Variants in ARHGAP29 observed in about 807,000 individuals in gnomAD.
ARHGAP29 encodes the protein rho GTPase-activating protein 29.
Under a neutral mutation model 122.6 loss-of-function variants are expected in ARHGAP29, and 43 were observed. The ratio of observed to expected loss-of-function variants is 0.35; its 90% CI spans 0.27 to 0.45. The LOEUF (loss-of-function observed/expected upper bound fraction) is 0.45. ARHGAP29 is among the 20% of genes least tolerant of loss of function. ARHGAP29 has a pLI of 1.00. For synonymous variants in ARHGAP29, 506 were observed against 497.1 expected, an observed-to-expected ratio of 1.02 and a Z score of -0.24; for missense variants, 1,303 against 1,477.2, an observed-to-expected ratio of 0.88 and a Z score of 1.93.
intron 12 of ARHGAP29, among the ~76,000 whole-genome samples, chr1:94,198,121 T>C (rs1475159217): frequency 1.3e-5 from 2 of 152,072 alleles, no homozygotes; most frequent in Non-Finnish European, 2.9e-5. Flanking sequence ...CAAGAGTGAG[T>C]TTAGCAAGGC....
chr1:94,307,802 A>G, the ARHGAP29 span, among the ~76,000 whole-genome samples: 1 of 152,252 alleles, frequency 6.6e-6, no homozygotes, highest in African/African-American at 2.4e-5. Flanking sequence ...TATACATTAA[A>G]TAGAAAACAA....
chr1:94,269,241 C>T lies in ARHGAP29; in HGVS notation c.-33+5771G>A, dbSNP rs1654899741. On this transcript the variant is annotated intron_variant and NMD_transcript_variant, in intron 1 of 25. Coordinates refer to the ARHGAP29 transcript ENST00000552844. ...TTCATGTAATTAACTTATTCACGTC[C>T]CATTATTTGTCAGGCATTGTGCTAG... 2.0e-5 allele frequency among the ~76,000 whole-genome samples: 3 copies of T among 152,082 alleles called. No individual in the cohort carries two copies. The South Asian group carries it at 6.2e-4, about 32-fold the overall frequency.
At chr1:94,202,819 C>T in intron 10 of ARHGAP29, 87 bp from the exon 11 acceptor site, 1 of 1,543,192 alleles carries the variant, frequency 6.5e-7, no homozygotes, top group South Asian at 1.2e-5. Flanking sequence ...ATAGTTAAGA[C>T]AATATTTTAG....
intron 1 of ARHGAP29, among the ~76,000 whole-genome samples, chr1:94,256,025 A>G (rs749335092): frequency 3.9e-5 from 6 of 152,216 alleles, no homozygotes; most frequent in Non-Finnish European, 7.3e-5. Context: ...TCTTCAAAAC[A>G]AGTCTGTGAA....
rs77544302 is a variant in ARHGAP29 at position 94,265,883 on chromosome 1, G to A, written c.-33+9129C>T. ...GGGAGCACCAAAATCAAAAGAGTGA[G>A]GATATGTTTCTTGGTTCATGGGAGC... On this transcript the variant is annotated intron_variant and NMD_transcript_variant, in intron 1 of 25. Coordinates refer to the ARHGAP29 transcript ENST00000552844. Among the ~76,000 whole-genome samples the A allele has an allele frequency of 1.6e-3, 243 of 152,278 alleles. 3 individuals carry two copies. The highest frequency in any genetic ancestry group is 5.5e-3 in the African/African-American group (227 of 41,570).
Position 94,206,976 on chromosome 1 carries a change from T to G in ARHGAP29, c.511-1293A>C, listed in dbSNP as rs145289612. ...TATTCAAATGAGGCAAATATATATA[T>G]ATAGAGAGAGAGAGAAGGAGCAACT... On this transcript the variant is annotated intron_variant, in intron 5 of 22. Coordinates refer to ENST00000260526, the MANE Select transcript of ARHGAP29 (RefSeq NM_004815.4). Among the ~76,000 whole-genome samples, 461 of 149,904 alleles carry G rather than the reference T, an allele frequency of 3.1e-3. 3 individuals are homozygous for G. Among genetic ancestry groups the G allele is most frequent in the African/African-American group, 6.9e-3 (283 of 40,904 alleles).
upstream of ARHGAP29, among the ~76,000 whole-genome samples, chr1:94,240,724 C>T (rs1205914513): frequency 6.6e-6 from 1 of 152,132 alleles, no homozygotes; most frequent in Non-Finnish European, 1.5e-5. Context: ...AACAGAAATT[C>T]ACATCCTCTA....
intron 2 of ARHGAP29, among the ~76,000 whole-genome samples, chr1:94,221,326 A>G (rs1308636859): frequency 6.6e-6 from 1 of 152,102 alleles, no homozygotes; most frequent in Admixed American, 6.6e-5. Context: ...ACTCTTATAT[A>G]ATCTTCCTTT....
intron 2 of ARHGAP29, 30 bp downstream of exon 2, chr1:94,231,376 CA>C: frequency 6.3e-7 from 1 of 1,578,120 alleles, no homozygotes; most frequent in South Asian, 1.1e-5. Flanking sequence ...ACAAACTATC[CA>C]GCAAGAATGC....
At chr1:94,200,074 G>C (rs1284317336) in intron 12 of ARHGAP29, among the ~76,000 whole-genome samples, 20 of 152,078 alleles carry the variant, frequency 1.3e-4, no homozygotes, top group Admixed American at 1.3e-3. Flanking sequence ...TCTTGGGTTA[G>C]GTAAAGCACT....
intron 15 of ARHGAP29, 56 bp from the exon 16 acceptor site, chr1:94,186,653 T>C (rs1228445812): frequency 6.2e-6 from 8 of 1,281,380 alleles, no homozygotes; most frequent in East Asian, 2.4e-5. Context: ...ATCTTTGAAA[T>C]AGGAAATGAC....
chr1:94,269,883 T>G (rs1489580358), intron 1 of ARHGAP29, among the ~76,000 whole-genome samples: 1 of 152,112 alleles, frequency 6.6e-6, no homozygotes, highest in Non-Finnish European at 1.5e-5. Context: ...CTCCGTTTAC[T>G]GGGGGGTCTG....
chr1:94,182,612 A>G (rs1649547822), intron 19 of ARHGAP29, among the ~76,000 whole-genome samples: 1 of 152,218 alleles, frequency 6.6e-6, no homozygotes, highest in Non-Finnish European at 1.5e-5. Flanking sequence ...CAGGCTTCAA[A>G]GAGAACAAAA....
At chr1:94,302,734 A>G in the ARHGAP29 span, 1 of 379,310 alleles carries the variant, frequency 2.6e-6, no homozygotes, top group African/African-American at 2.1e-5. Flanking sequence ...CCCACTGCCA[A>G]TGTGTCAGTC....
chr1:94,183,411 C>A (rs1649601314), intron 19 of ARHGAP29, among the ~76,000 whole-genome samples: 1 of 151,974 alleles, frequency 6.6e-6, no homozygotes, highest in African/African-American at 2.4e-5. Flanking sequence ...TAAGCTGCTG[C>A]TTGATGCTAC....
upstream of ARHGAP29, among the ~76,000 whole-genome samples, chr1:94,241,624 T>C (rs1339684588): frequency 2.1e-5 from 3 of 142,990 alleles, no homozygotes; most frequent in Non-Finnish European, 4.5e-5. Context: ...TCTCAAAAAA[T>C]AGTAATTTTA....
the ARHGAP29 span, among the ~76,000 whole-genome samples, chr1:94,294,277 C>A: frequency 1.3e-5 from 2 of 151,780 alleles, no homozygotes; most frequent in African/African-American, 4.9e-5. Context: ...CACACACACA[C>A]ACACACGCGC....
chr1:94,173,341 A>G lies in ARHGAP29; in HGVS notation c.*528T>C, dbSNP rs916369044. 6.5e-6 allele frequency: 1 copy of G among 152,728 alleles called. No individual in the cohort carries two copies. Among genetic ancestry groups the G allele is most frequent in the Admixed American group, 6.5e-5 (1 of 15,290 alleles). The allele number at this position is 152,728 out of a possible 1,614,324, so 9.5% of individuals were successfully genotyped here. ...AAATTAACTGAATTGCCAATTGAAA[A>G]ATAAGAGCTTACATACGTATCTTAA... On this transcript the variant is annotated 3_prime_UTR_variant, in exon 23 of 23. Coordinates refer to ENST00000260526, the MANE Select transcript of ARHGAP29 (RefSeq NM_004815.4).
At chr1:94,231,775 A>G in intron 1 of ARHGAP29, 132 bp from the exon 2 acceptor site, 1 of 642,666 alleles carries the variant, frequency 1.6e-6, no homozygotes, top group East Asian at 2.8e-5. Flanking sequence ...CCTATTTTTA[A>G]ATTTTTAAAA....
Sources: gnomAD v4.1 joint callset for allele counts (sites outside exome capture counted in the v4.1 genomes callset) on GRCh38, gnomAD v4.1.1 for gene constraint, MANE v1.5 for transcripts, NCBI Gene and HGNC (gene_info 2026-07-23, HGNC 2026-07-21) for gene names.